CHTF18: variants seen among roughly 807,000 people sequenced by gnomAD.
CHTF18 encodes chromosome transmission fidelity protein 18 homolog.
Under a neutral mutation model 113.4 loss-of-function variants are expected in CHTF18, and 151 were observed. The ratio of observed to expected loss-of-function variants is 1.33; its 90% CI spans 1.17 to 1.52. The LOEUF (loss-of-function observed/expected upper bound fraction) is 1.52. CHTF18 is among the 40% of genes most tolerant of loss of function. The probability of loss-of-function intolerance (pLI) is 0.00; values close to 1 mark genes in which losing one functional copy is unlikely to be tolerated. For synonymous variants in CHTF18, 916 were observed against 598.8 expected (o/e 1.53, Z -7.74); for missense variants, 1,982 against 1,381.6 (o/e 1.43, Z -6.89).
rs1289616089 is a variant in CHTF18 at position 789,048 on chromosome 16, C to T, written c.209C>T (p.Ser70Phe). The change falls in exon 2 of 22, where the codon TCT becomes TTT. Residue 70 changes from serine to phenylalanine, a missense_variant. Coordinates refer to ENST00000262315, the MANE Select transcript of CHTF18 (RefSeq NM_022092.3). ...GCCTCCAGTCCCGCCCCAGCCGCATCTGTGGGCAGCAGCCAGGGCGGCGCC... is the reference window on the plus strand; with the variant it reads ...GCCTCCAGTCCCGCCCCAGCCGCATTTGTGGGCAGCAGCCAGGGCGGCGCC... ...DAASSPAPAA[S>F]VGSSQGGARK... 3 of 1,539,078 alleles carry T rather than the reference C, an allele frequency of 1.9e-6. No homozygotes were observed. Among genetic ancestry groups the T allele is most frequent in the African/African-American group, 1.4e-5 (1 of 72,578 alleles).
In CHTF18 at chr16:791,396, G is replaced by A. The variant is rs372944800; in HGVS notation, c.1104+26G>A. ...GTGAGCCCCGCTGGCTGTGCCGCCG[G>A]GAACAAGCCTGAGGCTTTGCACTCG... On this transcript the variant is annotated intron_variant, in intron 8 of 21. Coordinates refer to ENST00000262315, the MANE Select transcript of CHTF18 (RefSeq NM_022092.3). 1.4e-4 allele frequency: 227 copies of A among 1,574,848 alleles called. 2 individuals carry two copies. The African/African-American group carries it at 2.7e-3, about 19-fold the overall frequency.
Position 791,242 on chromosome 16 carries a change from A to C in CHTF18, c.976A>C (p.Arg326=), listed in dbSNP as rs532156558. 6.2e-7 allele frequency: 1 copy of C among 1,611,040 alleles called. No individual in the cohort carries two copies. The change falls in exon 8 of 22, where the codon AGG becomes CGG. Residue 326 remains arginine, a synonymous_variant. Transcript: ENST00000262315. ...CCACGAGAGGCCTTCCCGGAAGCCC[A>C]GGCCCAGTGTTGAGCCGGCCCGGGT... ...FGHERPSRKP[R]PSVEPARVSK...
At chr16:790,732 C>T (rs1022212436) in intron 7 of CHTF18, 66 bp downstream of exon 7, 4 of 1,463,578 alleles carry the variant, frequency 2.7e-6, no homozygotes, top group South Asian at 2.9e-5. Context: ...GAACCTGGGC[C>T]CAGTGATTTT....
At chr16:796,223 T>G in intron 18 of CHTF18, 146 bp downstream of exon 18, 1 of 1,098,378 alleles carries the variant, frequency 9.1e-7, no homozygotes, top group African/African-American at 1.6e-5. Flanking sequence ...TGCTCAGATG[T>G]AACCGTGAAG....
chr16:795,428 C>T, intron 16 of CHTF18, 72 bp downstream of exon 16: 2 of 1,169,872 alleles, frequency 1.7e-6, no homozygotes, highest in Non-Finnish European at 2.4e-6. Context: ...TGTGGCTGCC[C>T]CCGGCCCCGT....
At chr16:792,172 G>A in intron 9 of CHTF18, 52 bp from the exon 10 acceptor site, 1 of 1,538,244 alleles carries the variant, frequency 6.5e-7, no homozygotes, top group Non-Finnish European at 8.8e-7. Context: ...TTGGGAGGCT[G>A]CCCTGCCAGG....
At chr16:793,120 C>G (rs938692251) in intron 13 of CHTF18, 24 bp from the exon 14 acceptor site, 2 of 1,580,242 alleles carry the variant, frequency 1.3e-6, no homozygotes, top group East Asian at 2.3e-5. Context: ...TTGGCCGCTT[C>G]TCATGCCCCC....
At position 791,530 on chromosome 16, in the gene CHTF18, A is replaced by G. The variant is rs540462504; in HGVS notation, c.1104+160A>G. The G allele has an allele frequency of 9.4e-5, 135 of 1,435,878 alleles. No homozygotes were observed. In the South Asian group the frequency reaches 1.8e-3, roughly 19 times the overall value. The allele number at this position is 1,435,878 out of a possible 1,614,324, so 88.9% of individuals were successfully genotyped here. ...GCGTGAGTTAGAACTGGAGCGTTGCAGTAACAACTCGGGGGAAGTCGTTGT... is the reference window on the plus strand; with the variant it reads ...GCGTGAGTTAGAACTGGAGCGTTGCGGTAACAACTCGGGGGAAGTCGTTGT... On this transcript the variant is annotated intron_variant, in intron 8 of 21. Coordinates refer to ENST00000262315, the MANE Select transcript of CHTF18 (RefSeq NM_022092.3).
At chr16:794,755 C>T (rs951440716) in intron 15 of CHTF18, 14 of 273,324 alleles carry the variant, frequency 5.1e-5, no homozygotes, top group African/African-American at 8.8e-5. Flanking sequence ...GGGGACGCCA[C>T]GGCCTGGACT....
chr16:790,241 C>T lies in CHTF18; in HGVS notation c.671C>T (p.Ala224Val), dbSNP rs1167984413. The T allele has an allele frequency of 1.6e-5, 25 of 1,606,870 alleles. No homozygotes were observed. Among genetic ancestry groups the T allele is most frequent in the Non-Finnish European group, 2.0e-5 (23 of 1,177,576 alleles). Residue 224 changes from alanine (A) to valine (V), a missense_variant, in exon 5 of 22, where the codon GCC becomes GTC. By Grantham distance (64) the Ala-to-Val change is moderately conservative (BLOSUM62 0). Transcript: ENST00000262315. ...GQLDLLGVSLASLKKQVDGER... is the reference protein window; with the variant it reads ...GQLDLLGVSLVSLKKQVDGER... ...CTGGACCTGCTGGGTGTGTCCTTAG[C>T]CTCCCTGAAGAAGCAGGTCGACGGC...
intron 15 of CHTF18, among the ~76,000 whole-genome samples, chr16:794,421 G>A (rs1291526475): frequency 6.6e-6 from 1 of 152,188 alleles, no homozygotes; most frequent in African/African-American, 2.4e-5. Context: ...CAAGGAGGTA[G>A]GGGCGGCCGT....
rs756025494 is a variant in CHTF18, at chr16:797,964, G to A, written c.2917G>A (p.Asp973Asn). The change falls in exon 22 of 22, where the codon GAC becomes AAC. Residue 973 changes from aspartate to asparagine, a missense_variant. Physicochemically the swap from Asp to Asn is conservative, Grantham distance 23. Transcript: ENST00000262315. The part of the protein sequence containing the change: ...NAVRRSLYIR[D>N]LL ...CGTGCGGCGCAGCCTGTACATCAGGGACTTGCTCTAGTTCTCTGAGCCGCG... is the reference window on the plus strand; with the variant it reads ...CGTGCGGCGCAGCCTGTACATCAGGAACTTGCTCTAGTTCTCTGAGCCGCG... The A allele has an allele frequency of 5.0e-6, 8 of 1,611,618 alleles. 1 individual carries two copies. In the South Asian group the frequency reaches 8.8e-5, roughly 18 times the overall value.
At chr16:792,852 T>G in intron 12 of CHTF18, 41 bp downstream of exon 12, 2 of 1,534,148 alleles carry the variant, frequency 1.3e-6, no homozygotes, top group Non-Finnish European at 1.8e-6. Flanking sequence ...ATGGCGGGGT[T>G]GGGGGCGTGG....
Position 797,966 on chromosome 16 carries a change from C to T in CHTF18, c.2919C>T (p.Asp973=), listed in dbSNP as rs1325360391. ...TGCGGCGCAGCCTGTACATCAGGGA[C>T]TTGCTCTAGTTCTCTGAGCCGCGGA... The part of the protein sequence containing the change: ...NAVRRSLYIR[D]LL Residue 973 remains aspartate, a synonymous_variant, in exon 22 of 22, where the codon GAC becomes GAT. Coordinates refer to ENST00000262315, the MANE Select transcript of CHTF18 (RefSeq NM_022092.3). 2.5e-6 allele frequency: 4 copies of T among 1,611,408 alleles called. No homozygotes were observed. The highest frequency in any genetic ancestry group is 3.4e-6 in the Non-Finnish European group (4 of 1,179,212).
chr16:796,926 G>A (rs1168051322), intron 19 of CHTF18, 35 bp from the exon 20 acceptor site: 1 of 1,535,170 alleles, frequency 6.5e-7, no homozygotes, highest in Non-Finnish European at 8.8e-7. Context: ...CTGTATCCCT[G>A]TGTGGCCAGA....
At chr16:791,437 C>T (rs747817344) in intron 8 of CHTF18, 67 bp downstream of exon 8, 391 of 1,497,046 alleles carry the variant, frequency 2.6e-4, no homozygotes, top group Non-Finnish European at 3.3e-4. Context: ...GGCACCCTTG[C>T]AGCCTGTTGA....
intron 4 of CHTF18, 36 bp from the exon 5 acceptor site, chr16:790,141 A>C (rs1383560320): frequency 1.3e-6 from 2 of 1,559,930 alleles, no homozygotes; most frequent in South Asian, 2.4e-5. Context: ...GTGACCTAGG[A>C]GGGGCCCAGA....
At chr16:790,725 C>G (rs1251847722) in intron 7 of CHTF18, 59 bp downstream of exon 7, 5 of 1,470,312 alleles carry the variant, frequency 3.4e-6, no homozygotes, top group Non-Finnish European at 4.5e-6. Context: ...GATGGAAGAA[C>G]CTGGGCCCAG....
chr16:790,447 A>G, intron 6 of CHTF18, 48 bp downstream of exon 6: 1 of 1,611,102 alleles, frequency 6.2e-7, no homozygotes. Context: ...TGGCTCTTGC[A>G]CCAACTCCTA....
Sources: gnomAD v4.1 joint callset for allele counts (sites outside exome capture counted in the v4.1 genomes callset) on GRCh38, gnomAD v4.1.1 for gene constraint, MANE v1.5 for transcripts, NCBI Gene and HGNC (gene_info 2026-07-23, HGNC 2026-07-21) for gene names.